Variants in PIN4 observed in about 807,000 individuals in gnomAD.
PIN4 encodes the protein peptidyl-prolyl cis-trans isomerase NIMA-interacting 4.
In PIN4, 3 loss-of-function variants were observed where a neutral mutation model predicts 8.3. The observed-to-expected ratio is 0.36, with a 90% CI of 0.16 to 0.93. The LOEUF is 0.93. Among genes scored for constraint, PIN4 ranks in the 40% least tolerant of loss-of-function variants. The probability of loss-of-function intolerance (pLI) is 0.44; values close to 1 mark genes in which losing one functional copy is unlikely to be tolerated. For missense variants in PIN4, 75 were observed against 100.6 expected (o/e 0.75, Z 1.09); for synonymous variants, 18 against 32.5 (o/e 0.55, Z 1.52).
At chrX:72,229,068 C>G (rs1209881121) in intron 3 of PIN4, among the ~76,000 whole-genome samples, 1 of 111,295 alleles carries the variant, frequency 9.0e-6, no homozygotes, top group Non-Finnish European at 1.9e-5. Flanking sequence ...CAAATTATTT[C>G]AAACCTATTA....
intron 3 of PIN4, among the ~76,000 whole-genome samples, chrX:72,230,504 C>CA (rs1010955723): frequency 8.9e-6 from 1 of 112,234 alleles, no homozygotes; most frequent in Middle Eastern, 4.6e-3. Flanking sequence ...CACTCCTGAC[C>CA]AAAAATCGGC....
At chrX:72,181,997 G>T in intron 1 of PIN4, 169 bp downstream of exon 1, 1 of 463,660 alleles carries the variant, frequency 2.2e-6, no homozygotes. Flanking sequence ...TTCAGGGACC[G>T]TCCTAGTGGG....
chrX:72,194,487 C>T (rs2042753118), intron 2 of PIN4, among the ~76,000 whole-genome samples: 2 of 109,427 alleles, frequency 1.8e-5, no homozygotes, highest in South Asian at 7.9e-4. Flanking sequence ...GAGCTGAGAT[C>T]GCACTGCTGC....
At chrX:72,236,700 CT>C (rs2043019238) in intron 3 of PIN4, among the ~76,000 whole-genome samples, 1 of 112,240 alleles carries the variant, frequency 8.9e-6, no homozygotes, top group East Asian at 2.8e-4. Flanking sequence ...TTCTTGGCAA[CT>C]GCAACTTTAA....
intron 3 of PIN4, among the ~76,000 whole-genome samples, chrX:72,211,379 G>C (rs1345227423): frequency 2.7e-5 from 3 of 110,477 alleles, no homozygotes; most frequent in Admixed American, 9.7e-5. Context: ...TAGAGTATGG[G>C]GTGAAATGTC....
intron 3 of PIN4, among the ~76,000 whole-genome samples, chrX:72,224,035 G>A (rs1029273005): frequency 9.0e-6 from 1 of 111,315 alleles, no homozygotes; most frequent in East Asian, 2.8e-4. Context: ...TTCACTGCTG[G>A]TACTGACAAC....
chrX:72,218,249 G>A (rs1283161331), intron 3 of PIN4, among the ~76,000 whole-genome samples: 52 of 100,426 alleles, frequency 5.2e-4, no homozygotes, highest in Non-Finnish European at 9.7e-4. Context: ...CAGCCTGGGC[G>A]ACAGAGCGAG....
downstream of PIN4, among the ~76,000 whole-genome samples, chrX:72,200,945 A>G (rs1213986934): frequency 8.9e-6 from 1 of 112,165 alleles, no homozygotes; most frequent in Non-Finnish European, 1.9e-5. Flanking sequence ...CACACCTGTA[A>G]TCCCAGCACT....
intron 3 of PIN4, among the ~76,000 whole-genome samples, chrX:72,213,679 C>A (rs1027302755): frequency 8.9e-6 from 1 of 112,272 alleles, no homozygotes; most frequent in Non-Finnish European, 1.9e-5. Context: ...CGCCATTGTT[C>A]CTGCATGGCT....
At chrX:72,226,172 CACTG>C (rs971424976) in intron 3 of PIN4, among the ~76,000 whole-genome samples, 1 of 111,696 alleles carries the variant, frequency 9.0e-6, no homozygotes, top group African/African-American at 3.3e-5. Context: ...CAATTTTAGA[CACTG>C]ACCAACACTC....
chrX:72,229,197 G>A (rs1488945676), intron 3 of PIN4, among the ~76,000 whole-genome samples: 1 of 111,409 alleles, frequency 9.0e-6, no homozygotes, highest in Non-Finnish European at 1.9e-5. Context: ...AAATCTCCCT[G>A]TAGGATCCTT....
chrX:72,212,608 G>A (rs1056718760), intron 3 of PIN4, among the ~76,000 whole-genome samples: 13 of 111,993 alleles, frequency 1.2e-4, no homozygotes, highest in Non-Finnish European at 2.1e-4. Flanking sequence ...CCTTGCTATG[G>A]AGGGCCCTTT....
At chrX:72,238,948 T>TTTGGAGTTTGGAGC in intron 3 of PIN4, 2 of 1,114,452 alleles carry the variant, frequency 1.8e-6, no homozygotes, top group Non-Finnish European at 2.4e-6. Flanking sequence ...CCGGCGGGAG[T>TTTGGAGTTTGGAGC]TTGGAGCTTG....
At chrX:72,257,809 C>A (rs2043118924) in intron 3 of PIN4, among the ~76,000 whole-genome samples, 1 of 111,656 alleles carries the variant, frequency 9.0e-6, no homozygotes, top group Non-Finnish European at 1.9e-5. Flanking sequence ...TGAGATTCCT[C>A]TTCTGTAGGA....
chrX:72,207,897 A>G (rs749073988), intron 3 of PIN4: 3 of 1,211,043 alleles, frequency 2.5e-6, no homozygotes, highest in South Asian at 3.5e-5. Context: ...TAGGATTTTC[A>G]TACTCCATCT....
intron 1 of PIN4, among the ~76,000 whole-genome samples, chrX:72,182,177 A>G (rs2042676896): frequency 8.9e-6 from 1 of 112,705 alleles, no homozygotes; most frequent in Non-Finnish European, 1.9e-5. Flanking sequence ...CATGCCCACC[A>G]TCGGGGAAGG....
chrX:72,196,032 T>C (rs1242354540), intron 2 of PIN4, among the ~76,000 whole-genome samples: 1 of 110,488 alleles, frequency 9.1e-6, no homozygotes, highest in Non-Finnish European at 1.9e-5. Flanking sequence ...GGCAAGAGAA[T>C]TGCTTGAACC....
chrX:72,199,132 G>A (rs2042780364), downstream of PIN4: 1 of 111,565 alleles, frequency 9.0e-6, no homozygotes, highest in African/African-American at 3.3e-5. Context: ...TTGTTACGTT[G>A]CTGAGGCTGG....
intron 3 of PIN4, among the ~76,000 whole-genome samples, chrX:72,243,343 AATT>A (rs2043056436): frequency 1.8e-5 from 2 of 110,972 alleles, no homozygotes; most frequent in African/African-American, 6.5e-5. Context: ...AGCTCTCCCT[AATT>A]ATTGTTAATT....
Sources: allele counts gnomAD v4.1 joint callset (sites outside exome capture counted in the v4.1 genomes callset), GRCh38; gene constraint gnomAD v4.1.1; transcripts MANE v1.5; gene names NCBI Gene and HGNC (gene_info 2026-07-23, HGNC 2026-07-21).